SLC18B1: variants seen among roughly 807,000 people sequenced by gnomAD.
SLC18B1 encodes the protein MFS-type transporter SLC18B1.
A neutral mutation model predicts 53.9 loss-of-function variants in SLC18B1; 62 were observed. The observed-to-expected ratio is 1.15, with a 90% CI of 0.94 to 1.42. SLC18B1 has a LOEUF of 1.42. SLC18B1 is among the 40% of genes most tolerant of loss of function. The pLI is 0.00. For synonymous variants in SLC18B1, 217 were observed against 200.9 expected (o/e 1.08, Z -0.68); for missense variants, 598 against 547.3 (o/e 1.09, Z -0.93).
At position 132,796,997 on chromosome 6, in the gene SLC18B1, C is replaced by T. The variant is rs41286190; in HGVS notation, c.168G>A (p.Pro56=). 5 of 1,612,384 alleles carry T rather than the reference C, an allele frequency of 3.1e-6. No individual in the cohort carries two copies. Among genetic ancestry groups the T allele is most frequent in the East Asian group, 2.2e-5 (1 of 44,854 alleles). ...AATGTCTTACCTCTTTGGGGAAAAA[C>T]GGTCCAAGTATAGAATAGCACATCA... is the stretch of plus-strand genomic sequence containing the variant. The part of the protein sequence containing the change: ...GSMMCYSILG[P]FFPKEAEKKG... The change falls in exon 2 of 14, where the codon CCG becomes CCA. Residue 56 remains proline, a synonymous_variant. Transcript: ENST00000275227.
At chr6:132,790,097 C>A in intron 3 of SLC18B1, 80 bp downstream of exon 3, 1 of 1,055,354 alleles carries the variant, frequency 9.5e-7, no homozygotes, top group Non-Finnish European at 1.4e-6. Flanking sequence ...TGTATCAATG[C>A]AAATTCTAGA....
intron 6 of SLC18B1, among the ~76,000 whole-genome samples, chr6:132,782,493 C>G (rs556450334): frequency 6.6e-6 from 1 of 151,996 alleles, no homozygotes; most frequent in South Asian, 2.1e-4. Flanking sequence ...CAATAGATCT[C>G]CTGAACTTAC....
At position 132,770,205 on chromosome 6, in the gene SLC18B1, T is replaced by TTAA; in HGVS notation, c.*64_*65insTTA. ...CGCGTAAAATTTTAAAAACCCTTCC[T>TTAA]ACGGTGATGTTTAAGGCCAGGAGCA... is the stretch of plus-strand genomic sequence containing the variant. On this transcript the variant is annotated 3_prime_UTR_variant, in exon 14 of 14. Coordinates refer to ENST00000275227, the MANE Select transcript of SLC18B1 (RefSeq NM_052831.3). 1.5e-6 allele frequency: 2 copies of TTAA among 1,376,222 alleles called. No individual in the cohort carries two copies. Among genetic ancestry groups the TTAA allele is most frequent in the South Asian group, 2.4e-5 (2 of 83,658 alleles). 85.3% of individuals were successfully genotyped at this position (1,376,222 alleles called of 1,614,324 possible). A position where few individuals can be genotyped will look rare whatever the true frequency, so the allele number is the denominator to read the frequency against.
At chr6:132,793,588 C>G (rs981869627) in intron 2 of SLC18B1, among the ~76,000 whole-genome samples, 4 of 152,184 alleles carry the variant, frequency 2.6e-5, no homozygotes, top group Non-Finnish European at 5.9e-5. Flanking sequence ...CACATGGTCC[C>G]CCACATCTCT....
Position 132,786,776 on chromosome 6 carries a change from C to G in SLC18B1, c.501+658G>C, listed in dbSNP as rs1436861402. 2.0e-5 allele frequency among the ~76,000 whole-genome samples: 3 copies of G among 151,916 alleles called. No individual in the cohort carries two copies. The East Asian group carries it at 5.8e-4, about 29-fold the overall frequency. ...CGTGGGCCCAGAGAGAGAGAGAGAG[C>G]TACGAGGGGAAAGCCTTCTTGGGGA... On this transcript the variant is annotated intron_variant, in intron 5 of 13. Coordinates refer to ENST00000275227, the MANE Select transcript of SLC18B1 (RefSeq NM_052831.3).
intron 4 of SLC18B1, among the ~76,000 whole-genome samples, chr6:132,788,721 G>A (rs767940884): frequency 6.6e-6 from 1 of 151,716 alleles, no homozygotes; most frequent in African/African-American, 2.4e-5. Flanking sequence ...TATTTGGAAG[G>A]TTGAGGCAAG....
At chr6:132,783,404 G>A (rs576436940) in intron 6 of SLC18B1, among the ~76,000 whole-genome samples, 1 of 152,238 alleles carries the variant, frequency 6.6e-6, no homozygotes, top group East Asian at 1.9e-4. Flanking sequence ...TTGAACTCCT[G>A]GCCTCAAGTG....
chr6:132,780,153 C>G (rs1224855233), intron 6 of SLC18B1, among the ~76,000 whole-genome samples: 1 of 151,084 alleles, frequency 6.6e-6, no homozygotes, highest in East Asian at 1.9e-4. Context: ...GGCTGGAGTG[C>G]AGTTGTGTTA....
chr6:132,794,667 AT>A (rs1462471730), intron 2 of SLC18B1, among the ~76,000 whole-genome samples: 1 of 151,970 alleles, frequency 6.6e-6, no homozygotes, highest in Non-Finnish European at 1.5e-5. Flanking sequence ...GAACACCTCC[AT>A]CTCTGTTGTT....
chr6:132,798,572 C>A lies in SLC18B1; in HGVS notation c.-116G>T. On this transcript the variant is annotated 5_prime_UTR_variant, in exon 1 of 14. It removes an upstream start codon present in the reference 5' UTR. Transcript: ENST00000275227. ...CGGCCGCTGCTCAGCTGGAACCTGG[C>A]ATCCCCGACTCCCTGCAGGCAGCGA... 5 of 1,072,580 alleles carry A rather than the reference C, an allele frequency of 4.7e-6. No homozygotes were observed. The highest frequency in any genetic ancestry group is 6.7e-4 in the Middle Eastern group (2 of 3,002). 66.4% of individuals were successfully genotyped at this position (1,072,580 alleles called of 1,614,324 possible). A position where few individuals can be genotyped will look rare whatever the true frequency, so the allele number is the denominator to read the frequency against.
At position 132,783,968 on chromosome 6, in the gene SLC18B1, A is replaced by G. The variant is rs1292074735; in HGVS notation, c.623T>C (p.Met208Thr). 1 of 1,606,698 alleles carries G rather than the reference A, an allele frequency of 6.2e-7. No individual in the cohort carries two copies. The highest frequency in any genetic ancestry group is 8.5e-7 in the Non-Finnish European group (1 of 1,177,190). Residue 208 changes from methionine (M) to threonine (T), a missense_variant, in exon 6 of 14, where the codon ATG (methionine) becomes ACG (threonine). Coordinates refer to ENST00000275227, the MANE Select transcript of SLC18B1 (RefSeq NM_052831.3). ...FIVLGCVVLL[M>T]VPLNMYILPN... The stretch of plus-strand genomic sequence containing the variant: ...TAAAATATACATATTGAGTGGTACC[A>G]TCAGCAAAACGACGCATCCCAGAAC...
At chr6:132,793,873 G>T (rs1227068433) in intron 2 of SLC18B1, among the ~76,000 whole-genome samples, 1 of 152,084 alleles carries the variant, frequency 6.6e-6, no homozygotes, top group Non-Finnish European at 1.5e-5. Context: ...TTCTTTAAAA[G>T]CTTGACTTTT....
Sources: gnomAD v4.1 joint callset for allele counts (sites outside exome capture counted in the v4.1 genomes callset) on GRCh38, gnomAD v4.1.1 for gene constraint, MANE v1.5 for transcripts, NCBI Gene and HGNC (gene_info 2026-07-23, HGNC 2026-07-21) for gene names.